Variants in HYCC1 observed in about 807,000 individuals in gnomAD.
HYCC1 encodes hyccin PI4KA lipid kinase complex subunit 1.
the HYCC1 span, among the ~76,000 whole-genome samples, chr7:22,990,356 T>C: frequency 4.8e-4 from 73 of 152,290 alleles, no homozygotes; most frequent in Middle Eastern, 6.8e-3. Flanking sequence ...AACAAGCCAA[T>C]AAGCCTGACT....
the HYCC1 span, among the ~76,000 whole-genome samples, chr7:22,912,534 G>A: frequency 6.6e-6 from 1 of 152,312 alleles, no homozygotes; most frequent in Non-Finnish European, 1.5e-5. Flanking sequence ...AGCCGGCCAA[G>A]CTGGGATAAC....
chr7:22,968,405 C>T, the HYCC1 span, among the ~76,000 whole-genome samples: 11 of 152,118 alleles, frequency 7.2e-5, no homozygotes, highest in African/African-American at 2.4e-4. Context: ...GGCAGAATCC[C>T]CAGACAGAAG....
the HYCC1 span, among the ~76,000 whole-genome samples, chr7:22,987,576 G>T: frequency 6.6e-6 from 1 of 152,096 alleles, no homozygotes; most frequent in African/African-American, 2.4e-5. Flanking sequence ...ATACTAATGA[G>T]AGTCCATAGC....
chr7:22,996,220 G>A, the HYCC1 span, among the ~76,000 whole-genome samples: 2 of 151,174 alleles, frequency 1.3e-5, no homozygotes, highest in Admixed American at 6.6e-5. Context: ...TTGAACCCGG[G>A]AGGCAGAGGT....
chr7:22,934,444 GGGCCTTTTAC>G, the HYCC1 span: 1 of 151,762 alleles, frequency 6.6e-6, no homozygotes, highest in Non-Finnish European at 1.5e-5. Context: ...CTCTCTTCTT[GGGCCTTTTAC>G]CCAGATTTGG....
chr7:22,918,220 T>C, the HYCC1 span, among the ~76,000 whole-genome samples: 2 of 152,194 alleles, frequency 1.3e-5, no homozygotes, highest in African/African-American at 4.8e-5. Flanking sequence ...CCAATCTTAG[T>C]CCTTTAATAC....
chr7:22,911,348 C>A, the HYCC1 span, among the ~76,000 whole-genome samples: 3 of 152,176 alleles, frequency 2.0e-5, no homozygotes, highest in African/African-American at 4.8e-5. Flanking sequence ...CCAAGCAATT[C>A]TTTGATAATC....
chr7:22,948,691 G>T, the HYCC1 span, among the ~76,000 whole-genome samples: 3 of 152,004 alleles, frequency 2.0e-5, no homozygotes, highest in Non-Finnish European at 2.9e-5. Context: ...TCGCACTGCT[G>T]AGCCAACATG....
chr7:22,959,096 CTA>C, the HYCC1 span, among the ~76,000 whole-genome samples: 1 of 152,162 alleles, frequency 6.6e-6, no homozygotes, highest in African/African-American at 2.4e-5. Flanking sequence ...TATGTTTAGA[CTA>C]TATGTTTTAA....
At chr7:22,951,477 G>A in the HYCC1 span, among the ~76,000 whole-genome samples, 1 of 151,624 alleles carries the variant, frequency 6.6e-6, no homozygotes, top group Admixed American at 6.6e-5. Context: ...TTTTTTACAT[G>A]AATTATGAAA....
At chr7:22,983,369 A>C in the HYCC1 span, among the ~76,000 whole-genome samples, 3 of 152,174 alleles carry the variant, frequency 2.0e-5, no homozygotes, top group East Asian at 5.8e-4. Context: ...CTGAAAAAAG[A>C]AAGAGTGGTA....
At chr7:23,000,370 A>C in the HYCC1 span, among the ~76,000 whole-genome samples, 5 of 152,230 alleles carry the variant, frequency 3.3e-5, no homozygotes, top group South Asian at 6.2e-4. Flanking sequence ...TTATATAGAT[A>C]GGTACCTATC....
the HYCC1 span, among the ~76,000 whole-genome samples, chr7:23,004,007 T>C: frequency 6.6e-6 from 1 of 152,228 alleles, no homozygotes; most frequent in Admixed American, 6.5e-5. Flanking sequence ...CAGAAATAAA[T>C]AGTTCAGTAT....
the HYCC1 span, among the ~76,000 whole-genome samples, chr7:22,956,380 A>T: frequency 6.6e-6 from 1 of 151,888 alleles, no homozygotes; most frequent in Non-Finnish European, 1.5e-5. Context: ...TTACTGACAT[A>T]AAATTATGAA....
the HYCC1 span, among the ~76,000 whole-genome samples, chr7:22,994,687 C>T: frequency 6.6e-6 from 1 of 152,048 alleles, no homozygotes; most frequent in East Asian, 1.9e-4. Context: ...ATTGTTCCTC[C>T]CCAAACTTCT....
At chr7:22,983,462 C>A in the HYCC1 span, among the ~76,000 whole-genome samples, 1 of 152,190 alleles carries the variant, frequency 6.6e-6, no homozygotes, top group Non-Finnish European at 1.5e-5. Context: ...TTTTCTGAGC[C>A]TCCGTATACT....
At chr7:23,002,136 G>GTATATATATA in the HYCC1 span, among the ~76,000 whole-genome samples, 56 of 76,574 alleles carry the variant, frequency 7.3e-4, no homozygotes, top group Middle Eastern at 7.7e-3. Context: ...GGTAAAAATT[G>GTATATATATA]TATATATATA....
the HYCC1 span, among the ~76,000 whole-genome samples, chr7:22,989,383 C>A: frequency 6.6e-6 from 1 of 152,128 alleles, no homozygotes; most frequent in Non-Finnish European, 1.5e-5. Flanking sequence ...AAGTCTCATT[C>A]TGTCACCAGA....
the HYCC1 span, among the ~76,000 whole-genome samples, chr7:22,986,818 G>A: frequency 1.4e-4 from 21 of 152,056 alleles, no homozygotes; most frequent in Non-Finnish European, 2.4e-4. Context: ...ACTGCACTCC[G>A]GCCTGGGCAA....
Sources: allele counts gnomAD v4.1 joint callset (sites outside exome capture counted in the v4.1 genomes callset), GRCh38; gene constraint gnomAD v4.1.1; transcripts MANE v1.5; gene names NCBI Gene and HGNC (gene_info 2026-07-23, HGNC 2026-07-21).